EYA4: variants seen among roughly 807,000 people sequenced by gnomAD.
The protein encoded by EYA4 is protein phosphatase EYA4.
Under a neutral mutation model 87.9 loss-of-function variants are expected in EYA4, and 31 were observed. That is an observed-to-expected ratio of 0.35 (90% confidence interval 0.27 to 0.48). The LOEUF is 0.48. Among genes scored for constraint, EYA4 ranks in the 20% least tolerant of loss-of-function variants. The pLI, the probability that EYA4 is intolerant of heterozygous loss-of-function variation, is 0.99. For missense variants in EYA4, 678 were observed against 761.4 expected, an observed-to-expected ratio of 0.89 and a Z score of 1.29; for synonymous variants, 263 against 270.6, an observed-to-expected ratio of 0.97 and a Z score of 0.28.
At chr6:133,464,219 G>A (rs976282915) in intron 9 of EYA4, among the ~76,000 whole-genome samples, 1 of 152,020 alleles carries the variant, frequency 6.6e-6, no homozygotes, top group African/African-American at 2.4e-5. Context: ...AGTTTTAGAA[G>A]GCCCTCAAAC....
chr6:133,316,881 A>G (rs975947866), intron 2 of EYA4, among the ~76,000 whole-genome samples: 14 of 152,244 alleles, frequency 9.2e-5, no homozygotes, highest in African/African-American at 3.1e-4. Flanking sequence ...CCTGGGTCCT[A>G]GTGGCTTACT....
At chr6:133,287,442 C>T (rs947834286) in intron 2 of EYA4, among the ~76,000 whole-genome samples, 4 of 152,084 alleles carry the variant, frequency 2.6e-5, no homozygotes, top group African/African-American at 9.7e-5. Flanking sequence ...GGTGTTAAGG[C>T]CTGCCTAGGA....
At chr6:133,436,375 T>G (rs893055611) in intron 3 of EYA4, among the ~76,000 whole-genome samples, 4 of 152,218 alleles carry the variant, frequency 2.6e-5, no homozygotes, top group African/African-American at 9.6e-5. Flanking sequence ...AAGTAGATGC[T>G]CAAGCAATGT....
intron 3 of EYA4, chr6:133,435,553 C>A (rs79657141): frequency 0.15 from 22,079 of 152,178 alleles, 2,523 homozygotes; most frequent in East Asian, 0.31. Flanking sequence ...CGGAGAGGAG[C>A]CACATCTCCC....
intron 1 of EYA4, among the ~76,000 whole-genome samples, chr6:133,258,883 C>T (rs781555427): frequency 2.6e-5 from 4 of 152,084 alleles, no homozygotes; most frequent in Non-Finnish European, 5.9e-5. Context: ...AATTTAGTCT[C>T]CAACAAACAA....
chr6:133,483,739 T>A (rs1199683100), intron 13 of EYA4, among the ~76,000 whole-genome samples: 8 of 147,788 alleles, frequency 5.4e-5, no homozygotes, highest in Non-Finnish European at 1.0e-4. Flanking sequence ...TTATTATTAT[T>A]TTGAGACAAA....
intron 2 of EYA4, among the ~76,000 whole-genome samples, chr6:133,293,424 C>T (rs1381660872): frequency 6.6e-6 from 1 of 152,010 alleles, no homozygotes; most frequent in African/African-American, 2.4e-5. Context: ...AATAATCTCT[C>T]AGAAACACTT....
chr6:133,374,783 T>G (rs1785545918), intron 2 of EYA4, among the ~76,000 whole-genome samples: 1 of 152,094 alleles, frequency 6.6e-6, no homozygotes, highest in African/African-American at 2.4e-5. Flanking sequence ...CTTCCCTAAC[T>G]ACATGAAAAG....
chr6:133,271,255 A>G (rs1266574461), intron 1 of EYA4, among the ~76,000 whole-genome samples: 1 of 152,148 alleles, frequency 6.6e-6, no homozygotes, highest in African/African-American at 2.4e-5. Context: ...TGGCATTGTA[A>G]TTGTGACTTC....
At chr6:133,312,720 A>C (rs1780324546) in intron 2 of EYA4, among the ~76,000 whole-genome samples, 2 of 152,194 alleles carry the variant, frequency 1.3e-5, no homozygotes, top group Admixed American at 1.3e-4. Flanking sequence ...CCTCAACAAC[A>C]AAGTAAATGT....
At chr6:133,256,599 T>C (rs1775358644) in intron 1 of EYA4, among the ~76,000 whole-genome samples, 1 of 152,130 alleles carries the variant, frequency 6.6e-6, no homozygotes, top group Non-Finnish European at 1.5e-5. Context: ...ATTATACATG[T>C]CACAATATCA....
chr6:133,440,448 C>CT lies in EYA4; in HGVS notation c.84-6174dup, dbSNP rs547949955. ...TATCACAGACATCCTGTGGCAGCTT[C>CT]TTTTTTTTCATTTGTTTTCTAGAAG... On this transcript the variant is annotated intron_variant, in intron 3 of 19. Transcript: ENST00000355286. 8.6e-5 allele frequency among the ~76,000 whole-genome samples: 13 copies of CT among 151,960 alleles called. No homozygotes were observed. The East Asian group carries it at 2.1e-3, about 25-fold the overall frequency.
At chr6:133,500,499 G>T (rs1252877986) in intron 13 of EYA4, among the ~76,000 whole-genome samples, 1 of 152,104 alleles carries the variant, frequency 6.6e-6, no homozygotes, top group Non-Finnish European at 1.5e-5. Flanking sequence ...TTGGGGTCAT[G>T]AACTCTTCCT....
intron 2 of EYA4, among the ~76,000 whole-genome samples, chr6:133,354,077 A>G (rs1465537464): frequency 7.9e-5 from 12 of 152,186 alleles, no homozygotes; most frequent in Admixed American, 7.9e-4. Context: ...AGTGTAGCTT[A>G]TTCTAAGTAA....
At chr6:133,303,571 T>A (rs889278545) in intron 2 of EYA4, among the ~76,000 whole-genome samples, 2 of 152,178 alleles carry the variant, frequency 1.3e-5, no homozygotes, top group African/African-American at 2.4e-5. Flanking sequence ...CTTCCTCTAT[T>A]TCTGGGGTTA....
intron 1 of EYA4, among the ~76,000 whole-genome samples, chr6:133,270,547 C>G (rs910640057): frequency 1.3e-5 from 2 of 152,160 alleles, no homozygotes; most frequent in African/African-American, 4.8e-5. Flanking sequence ...GCAGTGGTCT[C>G]GTGGTCGTAG....
chr6:133,528,619 C>A, intron 19 of EYA4, 106 bp from the exon 20 acceptor site: 1 of 872,832 alleles, frequency 1.1e-6, no homozygotes. Context: ...GTGGACCACA[C>A]ATCCCTGTGT....
At chr6:133,301,597 A>G (rs1158576652) in intron 2 of EYA4, among the ~76,000 whole-genome samples, 1 of 152,260 alleles carries the variant, frequency 6.6e-6, no homozygotes, top group Non-Finnish European at 1.5e-5. Context: ...ACTTAATTTA[A>G]TATTCACACA....
chr6:133,528,582 C>T (rs1370223062), intron 19 of EYA4, 143 bp from the exon 20 acceptor site: 1 of 773,890 alleles, frequency 1.3e-6, no homozygotes, highest in African/African-American at 1.7e-5. Flanking sequence ...GATCATCCCG[C>T]CTTTAAACTC....
Sources: gnomAD v4.1 joint callset for allele counts (sites outside exome capture counted in the v4.1 genomes callset) on GRCh38, gnomAD v4.1.1 for gene constraint, MANE v1.5 for transcripts, NCBI Gene and HGNC (gene_info 2026-07-23, HGNC 2026-07-21) for gene names.